Variants in DDAH1 observed in about 807,000 individuals in gnomAD.
DDAH1 encodes dimethylarginine dimethylaminohydrolase 1, also known as N(G),N(G)-dimethylarginine dimethylaminohydrolase 1.
Under a neutral mutation model 28.8 loss-of-function variants are expected in DDAH1, and 19 were observed. The ratio of observed to expected loss-of-function variants is 0.66; its 90% CI spans 0.46 to 0.97. The LOEUF is 0.97. DDAH1 is among the 50% of genes least tolerant of loss of function. The pLI is 0.00. For synonymous variants in DDAH1, 153 were observed against 154.4 expected (o/e 0.99, Z 0.07); for missense variants, 326 against 375.9 (o/e 0.87, Z 1.10).
intron 1 of DDAH1, among the ~76,000 whole-genome samples, chr1:85,460,144 A>G (rs1655062202): frequency 2.0e-5 from 3 of 152,220 alleles, no homozygotes; most frequent in Non-Finnish European, 4.4e-5. Flanking sequence ...ACACATTCAA[A>G]AACTTGGCAT....
intron 1 of DDAH1, among the ~76,000 whole-genome samples, chr1:85,432,681 T>TA (rs537391139): frequency 1.2e-4 from 18 of 152,338 alleles, no homozygotes; most frequent in Middle Eastern, 6.8e-3. Context: ...TCACATGACT[T>TA]ACTGCAGAAC....
intron 1 of DDAH1, among the ~76,000 whole-genome samples, chr1:85,503,373 G>A (rs1183119179): frequency 6.6e-6 from 1 of 152,042 alleles, no homozygotes; most frequent in African/African-American, 2.4e-5. Context: ...CTAATTTTTT[G>A]TATTTTTAGT....
chr1:85,393,518 G>A (rs1557572812), intron 1 of DDAH1, among the ~76,000 whole-genome samples: 1 of 152,038 alleles, frequency 6.6e-6, no homozygotes, highest in Non-Finnish European at 1.5e-5. Context: ...CATTTAGCTG[G>A]CTATTTAAAA....
At chr1:85,539,434 C>T (rs1658401289) in intron 1 of DDAH1, among the ~76,000 whole-genome samples, 1 of 152,210 alleles carries the variant, frequency 6.6e-6, no homozygotes, top group South Asian at 2.1e-4. Context: ...GGAGCCACCG[C>T]GCCTTGCCAA....
intron 1 of DDAH1, among the ~76,000 whole-genome samples, chr1:85,566,208 T>C (rs1659296465): frequency 6.6e-6 from 1 of 151,868 alleles, no homozygotes; most frequent in South Asian, 2.1e-4. Flanking sequence ...TAGACAGTAT[T>C]AAAAAGTAGA....
chr1:85,551,756 G>A (rs187824851), intron 1 of DDAH1, among the ~76,000 whole-genome samples: 177 of 152,330 alleles, frequency 1.2e-3, no homozygotes, highest in Admixed American at 3.3e-3. Flanking sequence ...CCTATGCATC[G>A]TGCTTCACAG....
Position 85,465,038 on chromosome 1 carries a change from C to T in DDAH1, c.8G>A (p.Gly3Glu). 7.6e-7 allele frequency: 1 copy of T among 1,311,870 alleles called. No individual in the cohort carries two copies. Among genetic ancestry groups the T allele is most frequent in the Non-Finnish European group, 9.7e-7 (1 of 1,033,560 alleles). 81.3% of individuals were successfully genotyped at this position (1,311,870 alleles called of 1,614,324 possible). A position where few individuals can be genotyped will look rare whatever the true frequency, so the allele number is the denominator to read the frequency against. ...GCCGAAGGCGGCGGGGTGGCCGAGC[C>T]CGGCCATGGCTTCGGGAGGCTTAGG... is the stretch of plus-strand genomic sequence containing the variant. MA[G>E]LGHPAAFGRA... Residue 3 changes from glycine to glutamate, a missense_variant, in exon 1 of 6, where the codon GGG (glycine) becomes GAG (glutamate). Physicochemically the swap from Gly to Glu is moderately conservative, Grantham distance 98. Coordinates refer to ENST00000284031, the MANE Select transcript of DDAH1 (RefSeq NM_012137.4).
At chr1:85,482,836 AC>A (rs1383399704) in intron 2 of DDAH1, among the ~76,000 whole-genome samples, 1 of 152,262 alleles carries the variant, frequency 6.6e-6, no homozygotes, top group East Asian at 1.9e-4. Context: ...GAAAATCACA[AC>A]AAAAATCAAT....
In DDAH1 at chr1:85,535,279, A is replaced by G. The variant is rs576112345; in HGVS notation, c.-122-38998T>C. Among the ~76,000 whole-genome samples the G allele has an allele frequency of 4.5e-3, 680 of 150,994 alleles. 4 individuals carry two copies. The highest frequency in any genetic ancestry group is 0.016 in the African/African-American group (638 of 41,056). ...AGATTTAAACCAGACATGAAAATCT[A>G]TCGTATTTTTAAAGATCTCTAGAGA... On this transcript the variant is annotated intron_variant, in intron 1 of 6. Coordinates refer to the DDAH1 transcript ENST00000426972.
intron 1 of DDAH1, among the ~76,000 whole-genome samples, chr1:85,536,596 A>C (rs867932118): frequency 9.2e-5 from 14 of 151,840 alleles, no homozygotes; most frequent in East Asian, 5.8e-4. Flanking sequence ...TGAACAAAAA[A>C]ACACACACAC....
intron 1 of DDAH1, among the ~76,000 whole-genome samples, chr1:85,412,219 G>C (rs979000168): frequency 6.6e-6 from 1 of 152,218 alleles, no homozygotes; most frequent in Non-Finnish European, 1.5e-5. Context: ...TGTGACTACA[G>C]GAATTTCTTG....
chr1:85,536,509 C>T (rs375400749), intron 1 of DDAH1, among the ~76,000 whole-genome samples: 3,011 of 152,218 alleles, frequency 0.02, 49 homozygotes, highest in South Asian at 0.076. Flanking sequence ...GCCGAGATCA[C>T]GCCAATGCAC....
chr1:85,485,520 T>A (rs1185139705), intron 2 of DDAH1, among the ~76,000 whole-genome samples: 1 of 152,154 alleles, frequency 6.6e-6, no homozygotes, highest in Non-Finnish European at 1.5e-5. Flanking sequence ...ATCCCCAAAC[T>A]TTACAAGAAA....
At chr1:85,403,078 G>A (rs1054680767) in intron 1 of DDAH1, among the ~76,000 whole-genome samples, 1 of 151,964 alleles carries the variant, frequency 6.6e-6, no homozygotes, top group Non-Finnish European at 1.5e-5. Context: ...GACTGGGACT[G>A]TCCCTTAGGG....
intron 1 of DDAH1, among the ~76,000 whole-genome samples, chr1:85,460,858 C>T (rs1655094456): frequency 6.6e-6 from 1 of 152,180 alleles, no homozygotes; most frequent in African/African-American, 2.4e-5. Flanking sequence ...CATTAATTAT[C>T]TACACAAAAG....
chr1:85,462,491 G>T (rs983541420), intron 1 of DDAH1, among the ~76,000 whole-genome samples: 1 of 152,124 alleles, frequency 6.6e-6, no homozygotes, highest in Non-Finnish European at 1.5e-5. Context: ...ATAATTCCTT[G>T]GCTACTGTGG....
chr1:85,375,542 A>G (rs1417042838), intron 1 of DDAH1, among the ~76,000 whole-genome samples: 5 of 152,200 alleles, frequency 3.3e-5, no homozygotes, highest in Admixed American at 1.3e-4. Context: ...AACTGAAGCC[A>G]TTATTGTGCT....
At chr1:85,515,916 C>T (rs1832884) in intron 1 of DDAH1, among the ~76,000 whole-genome samples, 72 of 152,302 alleles carry the variant, frequency 4.7e-4, no homozygotes, top group African/African-American at 1.6e-3. Flanking sequence ...AGAGAACAGA[C>T]GGCTAAGATC....
In DDAH1 at chr1:85,447,659, G is replaced by A. The variant is rs1288015784; in HGVS notation, c.303+17084C>T. Reference sequence around the variant, plus strand: ...TATGATTGCTAGTCTGAGCCTGGAGGTAGCTCCCGTTTACTTCCAAGGCTT... The same window carrying A: ...TATGATTGCTAGTCTGAGCCTGGAGATAGCTCCCGTTTACTTCCAAGGCTT... On this transcript the variant is annotated intron_variant, in intron 1 of 5. Transcript: ENST00000284031. 2.0e-5 allele frequency: 3 copies of A among 152,160 alleles called. No homozygotes were observed. The East Asian group carries it at 5.8e-4, about 29-fold the overall frequency. 9.4% of individuals were successfully genotyped at this position (152,160 alleles called of 1,614,324 possible). A position where few individuals can be genotyped will look rare whatever the true frequency, so the allele number is the denominator to read the frequency against.
Sources: allele counts gnomAD v4.1 joint callset (sites outside exome capture counted in the v4.1 genomes callset), GRCh38; gene constraint gnomAD v4.1.1; transcripts MANE v1.5; gene names NCBI Gene and HGNC (gene_info 2026-07-23, HGNC 2026-07-21).